NF1: variants seen among roughly 807,000 people sequenced by gnomAD.
The protein encoded by NF1 is neurofibromin 1.
Under a neutral mutation model 325.7 loss-of-function variants are expected in NF1, and 122 were observed. That is an observed-to-expected ratio of 0.37 (90% CI 0.32 to 0.44). The LOEUF (loss-of-function observed/expected upper bound fraction) is 0.44. Among genes scored for constraint, NF1 ranks in the 20% least tolerant of loss-of-function variants. The probability of loss-of-function intolerance (pLI) is 1.00; values close to 1 mark genes in which losing one functional copy is unlikely to be tolerated. For missense variants in NF1, 2,140 were observed against 3,415.4 expected, an observed-to-expected ratio of 0.63 and a Z score of 9.31; for synonymous variants, 1,091 against 1,186.0, an observed-to-expected ratio of 0.92 and a Z score of 1.65.
chr17:31,288,680 G>A (rs2068290333), intron 36 of NF1, among the ~76,000 whole-genome samples: 1 of 151,838 alleles, frequency 6.6e-6, no homozygotes, highest in Non-Finnish European at 1.5e-5. Flanking sequence ...AGGATAATAG[G>A]TGCCTGCCCA....
chr17:31,352,207 G>A (rs2070164246), intron 50 of NF1, 50 bp from the exon 51 acceptor site: 3 of 1,564,060 alleles, frequency 1.9e-6, no homozygotes, highest in South Asian at 1.1e-5. Context: ...AACGATGGTT[G>A]TATTTGTCAC....
intron 1 of NF1, among the ~76,000 whole-genome samples, chr17:31,131,164 C>T (rs1294956199): frequency 6.6e-6 from 1 of 152,198 alleles, no homozygotes; most frequent in Non-Finnish European, 1.5e-5. Context: ...GGGATGGGCA[C>T]TCCTGGCCCT....
intron 20 of NF1, among the ~76,000 whole-genome samples, chr17:31,228,188 C>T (rs1336551355): frequency 6.6e-6 from 1 of 152,146 alleles, no homozygotes; most frequent in Admixed American, 6.5e-5. Context: ...TCAACTATTA[C>T]TATTGACTAT....
rs141868420 is a variant in NF1 at position 31,271,639 on chromosome 17, A to T, written c.4835+6300A>T. Among the ~76,000 whole-genome samples the T allele has an allele frequency of 2.1e-3, 319 of 151,968 alleles. 1 individual carries two copies. The highest frequency in any genetic ancestry group is 7.2e-3 in the African/African-American group (299 of 41,434). On this transcript the variant is annotated intron_variant, in intron 36 of 57. Coordinates refer to ENST00000358273, the MANE Select transcript of NF1 (RefSeq NM_001042492.3). The stretch of plus-strand genomic sequence containing the variant: ...GTGGTGGGCATCTGTAATCCCAGCT[A>T]CTCTGGGGGCTGAGGCAGGAGAATT...
chr17:31,202,971 A>C (rs939443107), intron 11 of NF1, among the ~76,000 whole-genome samples: 38 of 152,236 alleles, frequency 2.5e-4, no homozygotes, highest in African/African-American at 9.2e-4. Context: ...CACTAAAAAT[A>C]TTCAAAGAGT....
At chr17:31,277,351 G>C (rs187461566) in intron 36 of NF1, among the ~76,000 whole-genome samples, 6 of 152,200 alleles carry the variant, frequency 3.9e-5, no homozygotes, top group Non-Finnish European at 8.8e-5. Context: ...ACTAGAAACA[G>C]ACGGTTCAGT....
intron 29 of NF1, among the ~76,000 whole-genome samples, chr17:31,237,266 T>C (rs1391306788): frequency 6.6e-6 from 1 of 152,200 alleles, no homozygotes; most frequent in Middle Eastern, 3.2e-3. Context: ...AAGCAATTTT[T>C]ATATTTTTAT....
chr17:31,096,140 C>A (rs548281083), intron 1 of NF1, among the ~76,000 whole-genome samples: 1 of 151,312 alleles, frequency 6.6e-6, no homozygotes, highest in African/African-American at 2.4e-5. Context: ...TTCCCCCCCC[C>A]CTTTTTTTTT....
chr17:31,226,830 G>T, intron 18 of NF1, 146 bp downstream of exon 18: 1 of 1,127,880 alleles, frequency 8.9e-7, no homozygotes, highest in Admixed American at 2.0e-5. Context: ...AACAAAGTAA[G>T]ATGAAAATAA....
intron 1 of NF1, among the ~76,000 whole-genome samples, chr17:31,139,259 G>A (rs890760859): frequency 7.2e-5 from 11 of 151,964 alleles, no homozygotes; most frequent in Admixed American, 6.6e-4. Flanking sequence ...TATTGGCCAG[G>A]CTGGTCTGAA....
chr17:31,240,169 A>C (rs2067270853), intron 29 of NF1, among the ~76,000 whole-genome samples: 1 of 152,198 alleles, frequency 6.6e-6, no homozygotes, highest in African/African-American at 2.4e-5. Context: ...TCAGATAACC[A>C]GATCTCATTT....
chr17:31,304,506 A>G (rs1215938333), intron 36 of NF1: 39 of 1,614,082 alleles, frequency 2.4e-5, no homozygotes, highest in Non-Finnish European at 3.1e-5. Flanking sequence ...TAGTAGAATC[A>G]TTTGGAAGAG....
Position 31,356,622 on chromosome 17 carries a change from G to A in NF1, c.7738+40G>A, listed in dbSNP as rs763296391. 2.5e-6 allele frequency: 4 copies of A among 1,611,552 alleles called. No homozygotes were observed. In the South Asian group the frequency reaches 4.4e-5, roughly 18 times the overall value. ...ATTGATCTAGATCATTGAAAATAAG[G>A]TGGGAGAGTACATGAAAGTCATGTT... On this transcript the variant is annotated intron_variant, in intron 52 of 57. Coordinates refer to ENST00000358273, the MANE Select transcript of NF1 (RefSeq NM_001042492.3).
chr17:31,358,271 TA>T, intron 54 of NF1: 1 of 586,782 alleles, frequency 1.7e-6, no homozygotes, highest in Non-Finnish European at 3.0e-6. Flanking sequence ...CCCTGGTGAC[TA>T]AAAACAAAAG....
Position 31,360,587 on chromosome 17 carries a change from C to T in NF1, c.8261C>T (p.Ser2754Phe), listed in dbSNP as rs2151587952. The change falls in exon 57 of 58, where the codon TCC (serine) becomes TTC (phenylalanine). Residue 2754 changes from serine (S) to phenylalanine (F), a missense_variant. Ser to Phe is a radical substitution (Grantham distance 155). Coordinates refer to ENST00000358273, the MANE Select transcript of NF1 (RefSeq NM_001042492.3). ...PGIDEETSEE[S>F]LLTPTSPYPP... Reference sequence around the variant, plus strand: ...ATTGATGAAGAAACCAGTGAAGAATCCCTCCTGACTCCCACATCTCCTTAC... The same window carrying T: ...ATTGATGAAGAAACCAGTGAAGAATTCCTCCTGACTCCCACATCTCCTTAC... The T allele has an allele frequency of 6.2e-7, 1 of 1,614,018 alleles. No homozygotes were observed. Among genetic ancestry groups the T allele is most frequent in the Non-Finnish European group, 8.5e-7 (1 of 1,179,930 alleles).
intron 1 of NF1, among the ~76,000 whole-genome samples, chr17:31,132,892 C>T (rs1046447589): frequency 6.6e-6 from 1 of 152,146 alleles, no homozygotes; most frequent in Non-Finnish European, 1.5e-5. Context: ...GTCTCGAACT[C>T]CTGACCTCAG....
chr17:31,308,631 T>TC (rs1449294136), intron 36 of NF1, among the ~76,000 whole-genome samples: 129 of 108,662 alleles, frequency 1.2e-3, no homozygotes, highest in Middle Eastern at 5.4e-3. Flanking sequence ...TTCTCAAGGG[T>TC]GTTCTTTTTT....
At chr17:31,216,974 T>C (rs1248965844) in intron 13 of NF1, among the ~76,000 whole-genome samples, 3 of 152,300 alleles carry the variant, frequency 2.0e-5, no homozygotes, top group Admixed American at 2.0e-4. Context: ...TTCCATGTTA[T>C]AGGCTGTCAT....
intron 1 of NF1, among the ~76,000 whole-genome samples, chr17:31,120,143 A>C (rs1416867554): frequency 2.6e-5 from 4 of 152,172 alleles, no homozygotes; most frequent in South Asian, 2.1e-4. Flanking sequence ...CTAATTCTGC[A>C]AGAAAGTCAA....
Sources: allele counts gnomAD v4.1 joint callset (sites outside exome capture counted in the v4.1 genomes callset), GRCh38; gene constraint gnomAD v4.1.1; transcripts MANE v1.5; gene names NCBI Gene and HGNC (gene_info 2026-07-23, HGNC 2026-07-21).